The following CD164 variants were observed in gnomAD, a reference collection of about 807,000 sequenced individuals.
CD164 encodes CD164 molecule.
In CD164, 11 loss-of-function variants were observed where a neutral mutation model predicts 24.6. That is an observed-to-expected ratio of 0.45 (90% CI 0.28 to 0.74). CD164 has a LOEUF of 0.74. CD164 is among the 30% of genes least tolerant of loss of function. The probability of loss-of-function intolerance (pLI) is 0.13; values close to 1 mark genes in which losing one functional copy is unlikely to be tolerated. For synonymous variants in CD164, 126 were observed against 100.3 expected, an observed-to-expected ratio of 1.26 and a Z score of -1.53; for missense variants, 295 against 243.7, an observed-to-expected ratio of 1.21 and a Z score of -1.40.
intron 4 of CD164, among the ~76,000 whole-genome samples, chr6:109,375,302 T>C (rs1562239693): frequency 1.3e-5 from 2 of 151,986 alleles, no homozygotes; most frequent in Admixed American, 6.6e-5. Context: ...GTAAAGTGTA[T>C]ACCATAATGC....
At chr6:109,381,812 A>C (rs1582497000) in intron 1 of CD164, 1 of 555,494 alleles carries the variant, frequency 1.8e-6, no homozygotes, top group South Asian at 2.2e-5. Context: ...GCTCGGCCCC[A>C]CCGCCAACCT....
At chr6:109,381,825 G>C in intron 1 of CD164, 1 of 549,470 alleles carries the variant, frequency 1.8e-6, no homozygotes, top group East Asian at 3.2e-5. Flanking sequence ...GCCAACCTCA[G>C]AGGCGCGACG....
chr6:109,382,102 C>G (rs1411714864), intron 1 of CD164, 102 bp downstream of exon 1: 11 of 1,073,628 alleles, frequency 1.0e-5, no homozygotes, highest in Non-Finnish European at 1.3e-5. Context: ...GCGGCCCGCC[C>G]GCCCGACCGT....
chr6:109,382,332 C>G lies in CD164; in HGVS notation c.47G>C (p.Gly16Ala), dbSNP rs778761004. 5 of 1,569,470 alleles carry G rather than the reference C, an allele frequency of 3.2e-6. No homozygotes were observed. Among genetic ancestry groups the G allele is most frequent in the Middle Eastern group, 3.3e-4 (2 of 6,010 alleles). Reference protein sequence around the residue: ...RSLLWAATCLGVLCVLSADKN... With the variant: ...RSLLWAATCLAVLCVLSADKN... Reference sequence around the variant, plus strand: ...GTCCGCGGACAGCACGCAGAGCACGCCCAGGCAGGTGGCGGCCCAAAGCAG... The same window carrying G: ...GTCCGCGGACAGCACGCAGAGCACGGCCAGGCAGGTGGCGGCCCAAAGCAG... Residue 16 changes from glycine to alanine, a missense_variant, in exon 1 of 6, where the codon GGC becomes GCC. Transcript: ENST00000310786.
chr6:109,381,378 C>G, intron 1 of CD164: 2 of 633,172 alleles, frequency 3.2e-6, no homozygotes, highest in East Asian at 2.7e-5. Flanking sequence ...ACTAAACATA[C>G]GCTATCTGAG....
In CD164 at chr6:109,368,359, A is replaced by G. The variant is rs1392174328; in HGVS notation, c.*492T>C. ...GAAAAAACAGCTGTTATCAAGCACA[A>G]AATTTTAATCTAAGGATACCATTTA... On this transcript the variant is annotated 3_prime_UTR_variant, in exon 6 of 6. Coordinates refer to ENST00000310786, the MANE Select transcript of CD164 (RefSeq NM_006016.6). The G allele has an allele frequency of 1.4e-5, 21 of 1,528,330 alleles. No individual in the cohort carries two copies. The highest frequency in any genetic ancestry group is 2.8e-5 in the African/African-American group (2 of 71,846). 94.7% of individuals were successfully genotyped at this position (1,528,330 alleles called of 1,614,324 possible).
chr6:109,379,535 A>T, intron 2 of CD164, 44 bp downstream of exon 2: 1 of 1,334,578 alleles, frequency 7.5e-7, no homozygotes, highest in Non-Finnish European at 1.1e-6. Flanking sequence ...ACTGTATTTT[A>T]AAATGCTATA....
intron 1 of CD164, chr6:109,381,878 A>T: frequency 2.1e-6 from 1 of 480,754 alleles, no homozygotes; most frequent in Non-Finnish European, 3.7e-6. Context: ...CGCGGAAGGA[A>T]GCCACGTCCC....
chr6:109,370,618 T>C, intron 4 of CD164, 151 bp from the exon 5 acceptor site: 3 of 604,788 alleles, frequency 5.0e-6, no homozygotes, highest in South Asian at 1.9e-5. Flanking sequence ...TTCACTAACA[T>C]AGCTATGCAC....
At chr6:109,381,790 C>G (rs898133161) in intron 1 of CD164, 2 of 566,454 alleles carry the variant, frequency 3.5e-6, no homozygotes, top group African/African-American at 3.8e-5. Context: ...CAACCAGTGG[C>G]AGGGAGAGGC....
intron 4 of CD164, among the ~76,000 whole-genome samples, chr6:109,374,433 C>T (rs1771280932): frequency 6.6e-6 from 1 of 152,100 alleles, no homozygotes; most frequent in East Asian, 1.9e-4. Context: ...TGAAGTCCTA[C>T]CCCTTCTACT....
intron 5 of CD164, among the ~76,000 whole-genome samples, chr6:109,369,405 T>C (rs1770959329): frequency 6.6e-6 from 1 of 152,198 alleles, no homozygotes; most frequent in Admixed American, 6.6e-5. Context: ...AATTTACTAG[T>C]ATAAGGTAAA....
rs1554216005 is a variant in CD164 at position 109,377,988 on chromosome 6, G to A, written c.260-17C>T. Reference sequence around the variant, plus strand: ...AGCTCTCATCTGTTGGGGGGCAGGGGAAAAGAGACAAACAGCATCAACCAC... The same window carrying A: ...AGCTCTCATCTGTTGGGGGGCAGGGAAAAAGAGACAAACAGCATCAACCAC... On this transcript the variant is annotated splice_polypyrimidine_tract_variant and intron_variant, in intron 2 of 5. Transcript: ENST00000310786. 6.2e-7 allele frequency: 1 copy of A among 1,603,718 alleles called. No individual in the cohort carries two copies. Among genetic ancestry groups the A allele is most frequent in the Non-Finnish European group, 8.5e-7 (1 of 1,171,890 alleles).
chr6:109,369,954 T>A (rs1322986518), intron 5 of CD164, among the ~76,000 whole-genome samples: 1 of 152,212 alleles, frequency 6.6e-6, no homozygotes, highest in African/African-American at 2.4e-5. Context: ...ATTTTCACAT[T>A]ACTGAGCAAT....
intron 4 of CD164, among the ~76,000 whole-genome samples, chr6:109,373,080 T>C (rs1220415393): frequency 1.3e-5 from 2 of 152,096 alleles, no homozygotes; most frequent in African/African-American, 2.4e-5. Context: ...GTTATAAAAG[T>C]TGCTATTAGT....
In CD164 at chr6:109,382,442, T is replaced by A; in HGVS notation, c.-64A>T. ...TCGCAACGCTCAGTCAACCCCTCAA[T>A]CCCCTGCGGCGCCGCCTCCGAGACT... On this transcript the variant is annotated 5_prime_UTR_variant, in exon 1 of 6. Transcript: ENST00000310786. The A allele has an allele frequency of 2.0e-5, 28 of 1,374,416 alleles. No homozygotes were observed. The highest frequency in any genetic ancestry group is 2.7e-5 in the Non-Finnish European group (28 of 1,049,182). The allele number at this position is 1,374,416 out of a possible 1,614,324, so 85.1% of individuals were successfully genotyped here.
At position 109,377,930 on chromosome 6, in the gene CD164, GACAATCACTA is replaced by G. The variant is rs768219295; in HGVS notation, c.291_300del (p.Ser98LysfsTer49). Reference sequence around the variant, plus strand: ...CAGAAGTCTGTCGTGTTCCCCACTTGACAATCACTAACTGTTGAGTTATGTGAACAATAGC... The same window carrying G: ...CAGAAGTCTGTCGTGTTCCCCACTTGACTGTTGAGTTATGTGAACAATAGC... On this transcript the variant is annotated frameshift_variant, in exon 3 of 6. Coordinates refer to ENST00000310786, the MANE Select transcript of CD164 (RefSeq NM_006016.6). LOFTEE classifies it high-confidence loss of function. The G allele has an allele frequency of 6.2e-7, 1 of 1,613,810 alleles. No homozygotes were observed. Among genetic ancestry groups the G allele is most frequent in the South Asian group, 1.1e-5 (1 of 91,068 alleles).
Position 109,368,061 on chromosome 6 carries a change from T to G in CD164, c.*790A>C, listed in dbSNP as rs551631579. Reference sequence around the variant, plus strand: ...TCTGAAATAAATTTTCAATAAAATATTAACAGTATGATATCTAAAACAGGT... The same window carrying G: ...TCTGAAATAAATTTTCAATAAAATAGTAACAGTATGATATCTAAAACAGGT... On this transcript the variant is annotated 3_prime_UTR_variant, in exon 6 of 6. Coordinates refer to ENST00000310786, the MANE Select transcript of CD164 (RefSeq NM_006016.6). The G allele has an allele frequency of 1.4e-5, 5 of 365,258 alleles. No individual in the cohort carries two copies. Among genetic ancestry groups the G allele is most frequent in the African/African-American group, 1.1e-4 (5 of 47,582 alleles). 22.6% of individuals were successfully genotyped at this position (365,258 alleles called of 1,614,324 possible).
At chr6:109,372,033 G>GT (rs1438882449) in intron 4 of CD164, 1 of 152,156 alleles carries the variant, frequency 6.6e-6, no homozygotes, top group Non-Finnish European at 1.5e-5. Context: ...TGTTACTTCT[G>GT]TTTAAAGTAC....
Sources: allele counts gnomAD v4.1 joint callset (sites outside exome capture counted in the v4.1 genomes callset), GRCh38; gene constraint gnomAD v4.1.1; transcripts MANE v1.5; gene names NCBI Gene and HGNC (gene_info 2026-07-23, HGNC 2026-07-21).